Variants in TLK1 observed in about 807,000 individuals in gnomAD.
The protein encoded by TLK1 is serine/threonine-protein kinase tousled-like 1.
A neutral mutation model predicts 105.3 loss-of-function variants in TLK1; 24 were observed. That is an observed-to-expected ratio of 0.23 (90% CI 0.17 to 0.32). The LOEUF is 0.32. TLK1 is among the 10% of genes least tolerant of loss of function. TLK1 has a pLI of 1.00. For missense variants in TLK1, 558 were observed against 910.5 expected, an observed-to-expected ratio of 0.61 and a Z score of 4.98; for synonymous variants, 321 against 310.4, an observed-to-expected ratio of 1.03 and a Z score of -0.36.
chr2:171,160,753 GGA>G lies in TLK1; in HGVS notation c.-327_-326del. On this transcript the variant is annotated 5_prime_UTR_variant, in exon 1 of 21. Coordinates refer to ENST00000431350, the MANE Select transcript of TLK1 (RefSeq NM_012290.5). The surrounding 1 kb of genome is among the most constrained non-coding windows in gnomAD (Gnocchi z 4.4). ...GCCGGGCCGGGGTCGGAGCGCGGGC[GGA>G]GCGCGGGCTGCGCCGGCCGAGGACA... 4.6e-6 allele frequency: 2 copies of G among 433,628 alleles called. No homozygotes were observed. Among genetic ancestry groups the G allele is most frequent in the Non-Finnish European group, 8.0e-6 (2 of 250,672 alleles). The allele number at this position is 433,628 out of a possible 1,614,324, so 26.9% of individuals were successfully genotyped here.
At chr2:171,166,912 T>C (rs953193112) in intron 1 of TLK1, among the ~76,000 whole-genome samples, 1 of 152,212 alleles carries the variant, frequency 6.6e-6, no homozygotes, top group African/African-American at 2.4e-5. Flanking sequence ...CTCACAAATA[T>C]AATGCTCATT....
At chr2:171,007,099 A>G in intron 14 of TLK1, 36 bp from the exon 15 acceptor site, 2 of 1,539,058 alleles carry the variant, frequency 1.3e-6, no homozygotes, top group Non-Finnish European at 1.8e-6. Flanking sequence ...AAGATGAAAG[A>G]CCAATTGAAT....
At chr2:171,000,680 G>A (rs1684322258) in intron 18 of TLK1, among the ~76,000 whole-genome samples, 1 of 152,146 alleles carries the variant, frequency 6.6e-6, no homozygotes, top group South Asian at 2.1e-4. Context: ...GAAAGGGGAG[G>A]CAGACACACT....
chr2:171,194,971 C>A (rs1693238669), intron 1 of TLK1, among the ~76,000 whole-genome samples: 1 of 152,168 alleles, frequency 6.6e-6, no homozygotes, highest in African/African-American at 2.4e-5. Context: ...ATTCACTGCT[C>A]CTTTTCTAAC....
intron 1 of TLK1, among the ~76,000 whole-genome samples, chr2:171,195,419 C>T (rs56251239): frequency 0.13 from 19,158 of 146,338 alleles, 1,996 homozygotes; most frequent in African/African-American, 0.3. Flanking sequence ...AGGAGAATGG[C>T]GTGAACCTGG....
chr2:171,045,111 G>GTC (rs748028892), intron 11 of TLK1: 2 of 152,044 alleles, frequency 1.3e-5, no homozygotes, highest in Non-Finnish European at 2.9e-5. Flanking sequence ...GGTATCAACA[G>GTC]AAGAGGTTCC....
At chr2:171,093,214 T>C (rs1442924601) in intron 2 of TLK1, among the ~76,000 whole-genome samples, 1 of 152,198 alleles carries the variant, frequency 6.6e-6, no homozygotes, top group East Asian at 1.9e-4. Context: ...CATTAAAATA[T>C]GCCACACAGT....
In TLK1 at chr2:171,019,704, C is replaced by T. The variant is rs149022183; in HGVS notation, c.1237-4756G>A. Among the ~76,000 whole-genome samples, 681 of 152,202 alleles carry T rather than the reference C, an allele frequency of 4.5e-3. 1 individual carries two copies. The highest frequency in any genetic ancestry group is 8.3e-3 in the South Asian group (40 of 4,820). On this transcript the variant is annotated intron_variant, in intron 12 of 20. Coordinates refer to ENST00000431350, the MANE Select transcript of TLK1 (RefSeq NM_012290.5). ...TATGGGAGTTGGTAGAAGAATATGG[C>T]TTGGAACAGTCTATTCACCGTAACA...
chr2:171,079,419 G>T (rs1280150667), intron 3 of TLK1, among the ~76,000 whole-genome samples: 3 of 152,170 alleles, frequency 2.0e-5, no homozygotes, highest in Admixed American at 6.5e-5. Context: ...CTAAATGTTT[G>T]TTCTACTAAA....
intron 1 of TLK1, among the ~76,000 whole-genome samples, chr2:171,200,881 CT>C (rs34320208): frequency 0.085 from 10,981 of 129,536 alleles, 660 homozygotes; most frequent in East Asian, 0.28. Context: ...CAGATCCCTT[CT>C]TTTTTTTTTT....
intron 12 of TLK1, among the ~76,000 whole-genome samples, chr2:171,027,564 G>A (rs771794409): frequency 2.0e-5 from 3 of 151,954 alleles, no homozygotes; most frequent in African/African-American, 7.3e-5. Context: ...TTTTTCCTAC[G>A]TACATCTTCT....
At chr2:171,098,755 A>G (rs970939605) in intron 2 of TLK1, among the ~76,000 whole-genome samples, 3 of 152,216 alleles carry the variant, frequency 2.0e-5, no homozygotes, top group African/African-American at 7.2e-5. Flanking sequence ...AGCAACATAT[A>G]AAAAGGATTA....
chr2:171,087,689 C>T (rs575761296), intron 2 of TLK1, among the ~76,000 whole-genome samples: 2 of 152,134 alleles, frequency 1.3e-5, no homozygotes, highest in African/African-American at 4.8e-5. Context: ...GCTGAAAAAC[C>T]AAAGATAAAG....
At chr2:171,003,273 C>CAAAAAAAAAAAAAAAAAAAAAAA (rs777049271) in intron 18 of TLK1, among the ~76,000 whole-genome samples, 1 of 68,506 alleles carries the variant, frequency 1.5e-5, no homozygotes, top group African/African-American at 8.2e-5. Flanking sequence ...GACTCCGTCT[C>CAAAAAAAAAAAAAAAAAAAAAAA]AAAAAAAAAA....
chr2:171,014,455 C>T (rs1390817808), intron 13 of TLK1, among the ~76,000 whole-genome samples: 1 of 151,846 alleles, frequency 6.6e-6, no homozygotes, highest in East Asian at 1.9e-4. Context: ...CTACCTGAGC[C>T]TCTTGAGTAG....
intron 2 of TLK1, among the ~76,000 whole-genome samples, chr2:171,086,890 G>T (rs1429617834): frequency 6.6e-6 from 1 of 152,144 alleles, no homozygotes; most frequent in Admixed American, 6.5e-5. Flanking sequence ...CCCAAATTCT[G>T]CATATTAACT....
intron 20 of TLK1, among the ~76,000 whole-genome samples, chr2:170,995,610 ACAAGATTTAGATGT>A (rs1684019494): frequency 6.6e-6 from 1 of 152,246 alleles, no homozygotes; most frequent in African/African-American, 2.4e-5. Context: ...AGAAAATAAG[ACAAGATTTAGATGT>A]CAGCACAGTT....
intron 4 of TLK1, 47 bp from the exon 5 acceptor site, chr2:171,058,244 CA>C (rs758977746): frequency 1.5e-5 from 23 of 1,553,096 alleles, no homozygotes; most frequent in South Asian, 4.6e-5. Flanking sequence ...TGATGGGCAT[CA>C]AAAAAATATT....
chr2:171,021,607 T>C (rs987750534), intron 12 of TLK1, among the ~76,000 whole-genome samples: 14 of 152,138 alleles, frequency 9.2e-5, no homozygotes, highest in African/African-American at 2.9e-4. Context: ...ATGCTCATTA[T>C]GCATATGGCA....
Sources: gnomAD v4.1 joint callset for allele counts (sites outside exome capture counted in the v4.1 genomes callset) on GRCh38, gnomAD v4.1.1 for gene constraint, Gnocchi (gnomAD v3.1) non-coding constraint, MANE v1.5 for transcripts, NCBI Gene and HGNC (gene_info 2026-07-23, HGNC 2026-07-21) for gene names.